The following SLC25A26 variants were observed in gnomAD, a reference collection of about 807,000 sequenced individuals.
The protein encoded by SLC25A26 is solute carrier family 25 member 26.
In SLC25A26, 36 loss-of-function variants were observed where a neutral mutation model predicts 37.8. The ratio of observed to expected loss-of-function variants is 0.95; its 90% confidence interval spans 0.73 to 1.26. SLC25A26 has a LOEUF of 1.26. Ranked by LOEUF, SLC25A26 falls within the 50% of genes most tolerant of loss-of-function variation. The pLI, the probability that SLC25A26 is intolerant of heterozygous loss-of-function variation, is 0.00. For synonymous variants in SLC25A26, 129 were observed against 122.5 expected (o/e 1.05, Z -0.35); for missense variants, 390 against 331.1 (o/e 1.18, Z -1.38).
At chr3:66,198,338 C>G (rs1482175869) in intron 1 of SLC25A26, among the ~76,000 whole-genome samples, 1 of 151,968 alleles carries the variant, frequency 6.6e-6, no homozygotes, top group Non-Finnish European at 1.5e-5. Flanking sequence ...AATGGTAGCT[C>G]TCATCCTCAC....
At chr3:66,137,178 T>TC (rs1292885962) in intron 1 of SLC25A26, among the ~76,000 whole-genome samples, 3 of 151,692 alleles carry the variant, frequency 2.0e-5, no homozygotes, top group Non-Finnish European at 4.4e-5. Context: ...GAACAGACCT[T>TC]CACCAAACAC....
chr3:66,346,010 T>C (rs1435646584), intron 5 of SLC25A26, among the ~76,000 whole-genome samples: 4 of 152,164 alleles, frequency 2.6e-5, no homozygotes, highest in African/African-American at 4.8e-5. Context: ...CTGGGCAACA[T>C]GGTGAAACCC....
intron 1 of SLC25A26, among the ~76,000 whole-genome samples, chr3:66,184,567 C>T (rs989825753): frequency 0.017 from 164 of 9,802 alleles, 2 homozygotes; most frequent in Admixed American, 0.035. Flanking sequence ...TCATCAGGAC[C>T]GTTATGTTCA....
intron 1 of SLC25A26, among the ~76,000 whole-genome samples, chr3:66,148,077 T>C (rs577589430): frequency 7.2e-4 from 110 of 152,290 alleles, no homozygotes; most frequent in South Asian, 1.7e-3. Flanking sequence ...TTTTAAATTA[T>C]GGCCATTCTT....
At chr3:66,347,663 A>G (rs553385771) in intron 6 of SLC25A26, among the ~76,000 whole-genome samples, 1 of 152,332 alleles carries the variant, frequency 6.6e-6, no homozygotes, top group Admixed American at 6.5e-5. Context: ...TGTTATAAAG[A>G]TACATACATA....
intron 1 of SLC25A26, among the ~76,000 whole-genome samples, chr3:66,184,734 A>G (rs1007939775): frequency 1.6e-5 from 2 of 124,188 alleles, no homozygotes; most frequent in Non-Finnish European, 3.5e-5. Context: ...TCCTGCCCCT[A>G]AAAGTATCTC....
intron 3 of SLC25A26, among the ~76,000 whole-genome samples, chr3:66,249,374 G>A (rs2072989723): frequency 6.6e-6 from 1 of 152,198 alleles, no homozygotes; most frequent in African/African-American, 2.4e-5. Flanking sequence ...GGGCAAACAT[G>A]TTCTTATTCA....
At chr3:66,331,903 C>A (rs929578959) in intron 5 of SLC25A26, among the ~76,000 whole-genome samples, 2 of 152,038 alleles carry the variant, frequency 1.3e-5, no homozygotes. Flanking sequence ...TTTCCCCACA[C>A]CCAGCCAAAA....
At chr3:66,247,550 G>A (rs11924730) in intron 3 of SLC25A26, among the ~76,000 whole-genome samples, 45,880 of 152,026 alleles carry the variant, frequency 0.3, 7,067 homozygotes, top group Admixed American at 0.33. Context: ...GCTTCAAGCA[G>A]TTCTTCCACT....
chr3:66,240,168 A>G (rs1388327394), intron 2 of SLC25A26, among the ~76,000 whole-genome samples: 8 of 152,202 alleles, frequency 5.3e-5, no homozygotes, highest in African/African-American at 1.7e-4. Context: ...GTCACGTGGC[A>G]TTTTAAGTGG....
At chr3:66,370,746 G>A (rs1224606295) in intron 9 of SLC25A26, 144 bp downstream of exon 9, 3 of 654,922 alleles carry the variant, frequency 4.6e-6, no homozygotes, top group African/African-American at 1.8e-5. Context: ...TATAGTTGAT[G>A]TTGTATATAT....
intron 9 of SLC25A26, 81 bp downstream of exon 9, chr3:66,370,683 C>T: frequency 9.4e-7 from 1 of 1,063,868 alleles, no homozygotes; most frequent in South Asian, 1.4e-5. Context: ...GAACACCTCT[C>T]CTTCCCTTCT....
At chr3:66,303,051 G>A (rs762687691) in intron 5 of SLC25A26, among the ~76,000 whole-genome samples, 7 of 152,142 alleles carry the variant, frequency 4.6e-5, no homozygotes, top group Non-Finnish European at 8.8e-5. Flanking sequence ...AGCACCTCCC[G>A]TGAGTAGTGA....
At chr3:66,177,878 T>A (rs567120782) in intron 1 of SLC25A26, among the ~76,000 whole-genome samples, 3 of 152,222 alleles carry the variant, frequency 2.0e-5, no homozygotes, top group Admixed American at 2.0e-4. Context: ...AGGTGTTGAC[T>A]TTTTCATGCT....
upstream of SLC25A26, among the ~76,000 whole-genome samples, chr3:66,216,311 A>ACAT (rs2071360631): frequency 6.6e-6 from 1 of 152,186 alleles, no homozygotes; most frequent in African/African-American, 2.4e-5. Context: ...CAGGAGTTCA[A>ACAT]GACAAGCTTG....
At chr3:66,306,324 C>T (rs186602132) in intron 5 of SLC25A26, among the ~76,000 whole-genome samples, 9 of 152,206 alleles carry the variant, frequency 5.9e-5, no homozygotes, top group East Asian at 5.8e-4. Flanking sequence ...TGGCGTGAGA[C>T]GGTATCTCAT....
chr3:66,341,433 G>A (rs2076206833), intron 5 of SLC25A26, among the ~76,000 whole-genome samples: 1 of 149,488 alleles, frequency 6.7e-6, no homozygotes, highest in Admixed American at 6.6e-5. Flanking sequence ...AACATGTAAA[G>A]TGATACATTA....
At chr3:66,149,517 T>G (rs2070169378) in intron 1 of SLC25A26, among the ~76,000 whole-genome samples, 1 of 152,198 alleles carries the variant, frequency 6.6e-6, no homozygotes, top group African/African-American at 2.4e-5. Flanking sequence ...TAATAGAACC[T>G]CCCATGTGGA....
intron 1 of SLC25A26, among the ~76,000 whole-genome samples, chr3:66,172,749 T>C (rs2070519727): frequency 6.6e-6 from 1 of 152,224 alleles, no homozygotes; most frequent in Non-Finnish European, 1.5e-5. Flanking sequence ...GGTAGTTTGC[T>C]GGCAATTTTT....
Sources: gnomAD v4.1 joint callset for allele counts (sites outside exome capture counted in the v4.1 genomes callset) on GRCh38, gnomAD v4.1.1 for gene constraint, MANE v1.5 for transcripts, NCBI Gene and HGNC (gene_info 2026-07-23, HGNC 2026-07-21) for gene names.